Variants in CCSER1 observed in about 807,000 individuals in gnomAD.
CCSER1 encodes serine-rich coiled-coil domain-containing protein 1.
CCSER1 carries 41 observed loss-of-function variants against 82.0 expected under a neutral mutation model. The ratio of observed to expected loss-of-function variants is 0.50; its 90% CI spans 0.39 to 0.65. The LOEUF is 0.65. Ranked by LOEUF, CCSER1 falls within the 30% of genes least tolerant of loss-of-function variation. The pLI is 0.00. For synonymous variants in CCSER1, 414 were observed against 383.9 expected (o/e 1.08, Z -0.92); for missense variants, 1,119 against 1,064.2 (o/e 1.05, Z -0.72).
intron 10 of CCSER1, among the ~76,000 whole-genome samples, chr4:91,594,171 T>C (rs569552810): frequency 6.6e-6 from 1 of 151,972 alleles, no homozygotes; most frequent in East Asian, 1.9e-4. Context: ...GACACATGCA[T>C]TAAAATTACC....
intron 1 of CCSER1, among the ~76,000 whole-genome samples, chr4:90,208,442 G>A (rs1385862128): frequency 3.3e-5 from 5 of 151,790 alleles, no homozygotes. Context: ...GCTGGGCTCT[G>A]TAGACATGGG....
At chr4:91,578,083 C>T (rs1276609602) in intron 10 of CCSER1, among the ~76,000 whole-genome samples, 2 of 152,000 alleles carry the variant, frequency 1.3e-5, no homozygotes, top group Admixed American at 1.3e-4. Flanking sequence ...GGCTGCTTTG[C>T]ATAGCCCCAT....
chr4:90,574,129 T>G (rs1780430357), intron 5 of CCSER1, among the ~76,000 whole-genome samples: 1 of 151,986 alleles, frequency 6.6e-6, no homozygotes, highest in Admixed American at 6.5e-5. Context: ...ATTGGTTAGT[T>G]TTTCTTATGA....
intron 7 of CCSER1, among the ~76,000 whole-genome samples, 194 bp downstream of exon 7, chr4:90,724,185 T>C (rs1202706598): frequency 6.6e-6 from 1 of 152,022 alleles, no homozygotes; most frequent in African/African-American, 2.4e-5. Flanking sequence ...TGAATGATAA[T>C]TAATACTTTA....
chr4:91,168,123 A>T (rs567280739), intron 10 of CCSER1, among the ~76,000 whole-genome samples: 20 of 86,150 alleles, frequency 2.3e-4, no homozygotes, highest in African/African-American at 8.7e-4. Context: ...GAGGTGAGGA[A>T]CGTCTCTGCC....
intron 3 of CCSER1, among the ~76,000 whole-genome samples, chr4:90,326,368 T>C (rs1738203962): frequency 6.6e-6 from 1 of 152,138 alleles, no homozygotes; most frequent in African/African-American, 2.4e-5. Context: ...CCGATAACTT[T>C]TTGTTTTAAA....
chr4:90,872,160 G>C (rs926409284), intron 8 of CCSER1, among the ~76,000 whole-genome samples: 1 of 151,402 alleles, frequency 6.6e-6, no homozygotes, highest in African/African-American at 2.4e-5. Context: ...TAGTCCATTT[G>C]GATTCAATGT....
chr4:90,252,459 TTATA>T (rs1249960297), intron 1 of CCSER1, among the ~76,000 whole-genome samples: 1 of 151,900 alleles, frequency 6.6e-6, no homozygotes, highest in East Asian at 1.9e-4. Flanking sequence ...TTTTTACTAT[TTATA>T]TATTTGTAAA....
rs571962637 is a variant in CCSER1 at position 91,584,282 on chromosome 4, CA to C, written c.2218-14288del. On this transcript the variant is annotated intron_variant, in intron 10 of 10. Transcript: ENST00000509176. The stretch of plus-strand genomic sequence containing the variant: ...CAGTTTTCAGAGAAAAAATAAATTT[CA>C]AGAGAAAATATTTGAGGCTCTTTGG... Among the ~76,000 whole-genome samples, 51 of 151,408 alleles carry C rather than the reference CA, an allele frequency of 3.4e-4. No homozygotes were observed. The East Asian group carries it at 9.9e-3, about 29-fold the overall frequency.
rs1561417817 is a variant in CCSER1 at position 90,957,534 on chromosome 4, A to ATAAT, written c.2172+34089_2172+34090insATTA. Among the ~76,000 whole-genome samples, 909 of 122,946 alleles carry ATAAT rather than the reference A, an allele frequency of 7.4e-3. 20 individuals carry two copies. Among genetic ancestry groups the ATAAT allele is most frequent in the African/African-American group, 0.029 (863 of 29,436 alleles). 80.7% of individuals were successfully genotyped at this position (122,946 alleles called of 152,430 possible). A position where few individuals can be genotyped will look rare whatever the true frequency, so the allele number is the denominator to read the frequency against. On this transcript the variant is annotated intron_variant, in intron 9 of 10. Transcript: ENST00000509176. Reference sequence around the variant, plus strand: ...AATATAACATAATATCATATATTATATATATTATATAATTATATTATATAT... The same window carrying ATAAT: ...AATATAACATAATATCATATATTATATAATTATATTATATAATTATATTATATAT...
chr4:90,594,083 G>C (rs1783019607), intron 5 of CCSER1, among the ~76,000 whole-genome samples: 1 of 151,800 alleles, frequency 6.6e-6, no homozygotes, highest in Non-Finnish European at 1.5e-5. Context: ...TTATGCTATG[G>C]GGATGTGGCT....
intron 9 of CCSER1, among the ~76,000 whole-genome samples, chr4:91,082,094 C>T (rs1010013717): frequency 1.3e-5 from 2 of 152,152 alleles, no homozygotes; most frequent in Admixed American, 6.5e-5. Flanking sequence ...CACAAAAGAG[C>T]CTTCATTGCC....
chr4:90,630,925 G>A lies in CCSER1; in HGVS notation c.1932+2693G>A, dbSNP rs751301943. 3.4e-5 allele frequency among the ~76,000 whole-genome samples: 5 copies of A among 148,486 alleles called. No homozygotes were observed. In the South Asian group the frequency reaches 6.4e-4, roughly 19 times the overall value. On this transcript the variant is annotated intron_variant, in intron 6 of 10. Coordinates refer to ENST00000509176, the MANE Select transcript of CCSER1 (RefSeq NM_001145065.2). ...TTATTATTATTTGAGATGGAGTCTC[G>A]CTCTGTCACCCAGGCTGGAGTGCAG...
intron 1 of CCSER1, among the ~76,000 whole-genome samples, chr4:90,180,287 A>G (rs1249117576): frequency 1.3e-5 from 2 of 152,042 alleles, no homozygotes; most frequent in Non-Finnish European, 2.9e-5. Flanking sequence ...CTTGAAATTA[A>G]GAGTAAAGAG....
chr4:91,438,421 T>G (rs1754837184), intron 10 of CCSER1, among the ~76,000 whole-genome samples: 1 of 152,088 alleles, frequency 6.6e-6, no homozygotes, highest in African/African-American at 2.4e-5. Context: ...CAGCTGAGGG[T>G]CCTGTCTGTT....
chr4:91,133,148 T>C (rs923729843), intron 10 of CCSER1, among the ~76,000 whole-genome samples: 1 of 152,224 alleles, frequency 6.6e-6, no homozygotes, highest in African/African-American at 2.4e-5. Context: ...ATTCTCACCT[T>C]CTCTTCTTTA....
At chr4:90,637,797 G>A (rs1725701996) in intron 6 of CCSER1, among the ~76,000 whole-genome samples, 1 of 152,032 alleles carries the variant, frequency 6.6e-6, no homozygotes, top group Non-Finnish European at 1.5e-5. Context: ...TAACCTCTGG[G>A]CAATTCTTTC....
chr4:91,594,292 T>C (rs920593544), intron 10 of CCSER1, among the ~76,000 whole-genome samples: 1 of 150,278 alleles, frequency 6.7e-6, no homozygotes, highest in African/African-American at 2.4e-5. Flanking sequence ...TATATGTGTG[T>C]ATATATGTAT....
At chr4:91,356,196 A>G (rs572474269) in intron 10 of CCSER1, among the ~76,000 whole-genome samples, 54 of 152,358 alleles carry the variant, frequency 3.5e-4, no homozygotes, top group African/African-American at 1.3e-3. Flanking sequence ...CCAGGGCCCT[A>G]CAGTCTGGGT....
Sources: allele counts gnomAD v4.1 joint callset (sites outside exome capture counted in the v4.1 genomes callset), GRCh38; gene constraint gnomAD v4.1.1; transcripts MANE v1.5; gene names NCBI Gene and HGNC (gene_info 2026-07-23, HGNC 2026-07-21).